Variants in C8orf34 observed in about 807,000 individuals in gnomAD.
The protein encoded by C8orf34 is chromosome 8 open reading frame 34, also known as uncharacterized protein C8orf34.
Under a neutral mutation model 68.3 loss-of-function variants are expected in C8orf34, and 65 were observed. The ratio of observed to expected loss-of-function variants is 0.95; its 90% CI spans 0.78 to 1.17. The LOEUF (loss-of-function observed/expected upper bound fraction) is 1.17. Ranked by LOEUF, C8orf34 falls within the 50% of genes most tolerant of loss-of-function variation. The pLI is 0.00. For synonymous variants in C8orf34, 244 were observed against 241.2 expected (o/e 1.01, Z -0.11); for missense variants, 664 against 655.4 (o/e 1.01, Z -0.14).
chr8:68,681,856 A>G (rs570657342), intron 8 of C8orf34, among the ~76,000 whole-genome samples: 3 of 152,326 alleles, frequency 2.0e-5, no homozygotes, highest in African/African-American at 7.2e-5. Context: ...AGAGCCAATC[A>G]TCTGCAACAA....
At chr8:68,589,615 GAGA>G (rs146066452) in intron 7 of C8orf34, among the ~76,000 whole-genome samples, 80,674 of 141,640 alleles carry the variant, frequency 0.57, 23,342 homozygotes, top group African/African-American at 0.63. Flanking sequence ...GAAAGAAGGA[GAGA>G]AGAAGAAAGA....
At chr8:68,442,413 G>A (rs1484579799) in intron 2 of C8orf34, among the ~76,000 whole-genome samples, 1 of 152,106 alleles carries the variant, frequency 6.6e-6, no homozygotes, top group African/African-American at 2.4e-5. Flanking sequence ...TGGGAAGGAA[G>A]AGAGAAAACA....
intron 4 of C8orf34, among the ~76,000 whole-genome samples, chr8:68,476,468 G>A (rs2129630525): frequency 6.6e-6 from 1 of 152,320 alleles, no homozygotes; most frequent in South Asian, 2.1e-4. Flanking sequence ...TTCAAAGAAA[G>A]AGGAAGTTTT....
chr8:68,501,469 G>A (rs1434274882), intron 5 of C8orf34, among the ~76,000 whole-genome samples: 1 of 152,140 alleles, frequency 6.6e-6, no homozygotes, highest in Non-Finnish European at 1.5e-5. Flanking sequence ...ATCAACAGGG[G>A]ACATTGTACT....
intron 12 of C8orf34, among the ~76,000 whole-genome samples, chr8:68,802,010 A>G (rs994399612): frequency 1.3e-5 from 2 of 152,192 alleles, no homozygotes; most frequent in Admixed American, 1.3e-4. Context: ...ATGATAATAT[A>G]CATTCTATAT....
rs139668085 is a variant in C8orf34 at position 68,716,003 on chromosome 8, A to G, written c.1328-5358A>G. Among the ~76,000 whole-genome samples, 59 of 152,302 alleles carry G rather than the reference A, an allele frequency of 3.9e-4. 2 individuals are homozygous for G. The East Asian group carries it at 0.011, about 29-fold the overall frequency. On this transcript the variant is annotated intron_variant, in intron 9 of 13. Coordinates refer to ENST00000518698, the MANE Select transcript of C8orf34 (RefSeq NM_052958.4). ...CTCAACTTTAAAAAGGAACAAAATA[A>G]TGACATTTACAGCAACCTGGACAGA...
At chr8:68,800,227 A>T (rs1212363023) in intron 12 of C8orf34, among the ~76,000 whole-genome samples, 1 of 152,218 alleles carries the variant, frequency 6.6e-6, no homozygotes, top group Non-Finnish European at 1.5e-5. Flanking sequence ...GAGGAGGCCC[A>T]GGTGTCTGGC....
intron 2 of C8orf34, among the ~76,000 whole-genome samples, chr8:68,442,167 G>A (rs1810936048): frequency 6.6e-6 from 1 of 152,172 alleles, no homozygotes; most frequent in East Asian, 1.9e-4. Flanking sequence ...ATGTGGTGAG[G>A]ATATTTGCCA....
intron 12 of C8orf34, among the ~76,000 whole-genome samples, chr8:68,793,781 C>T (rs1460968319): frequency 2.0e-5 from 3 of 152,036 alleles, no homozygotes; most frequent in African/African-American, 2.4e-5. Context: ...CAAACCTGCA[C>T]GTCCTGCCCA....
intron 8 of C8orf34, among the ~76,000 whole-genome samples, chr8:68,707,804 A>C (rs1043118631): frequency 1.3e-5 from 2 of 152,062 alleles, no homozygotes; most frequent in Non-Finnish European, 2.9e-5. Flanking sequence ...TTTCAATAAT[A>C]ATTTTTACTT....
chr8:68,677,541 T>G lies in C8orf34; in HGVS notation c.1242-31453T>G, dbSNP rs531517118. Among the ~76,000 whole-genome samples, 13 of 152,104 alleles carry G rather than the reference T, an allele frequency of 8.5e-5. No individual in the cohort carries two copies. In the South Asian group the frequency reaches 2.7e-3, roughly 32 times the overall value. ...ACACAGCTAAGTCTTATTTTTTTTG[T>G]AGACAAGTTTTCATCATTTTGCCTA... On this transcript the variant is annotated intron_variant, in intron 8 of 13. Transcript: ENST00000518698.
intron 7 of C8orf34, among the ~76,000 whole-genome samples, chr8:68,597,755 A>G (rs1817589280): frequency 6.6e-6 from 1 of 152,202 alleles, no homozygotes; most frequent in African/African-American, 2.4e-5. Flanking sequence ...GTTAAGCCTT[A>G]AAGTAATATA....
intron 5 of C8orf34, among the ~76,000 whole-genome samples, chr8:68,504,114 C>T (rs980584921): frequency 1.3e-5 from 2 of 152,136 alleles, no homozygotes; most frequent in Admixed American, 6.5e-5. Context: ...CAGCCCTAGA[C>T]GACCACTAAT....
At chr8:68,592,626 G>T (rs537710875) in intron 7 of C8orf34, among the ~76,000 whole-genome samples, 22 of 117,832 alleles carry the variant, frequency 1.9e-4, no homozygotes, top group Non-Finnish European at 3.4e-4. Flanking sequence ...TTTTGAGATG[G>T]AGTCTCGCTC....
chr8:68,387,104 T>C (rs149365448), intron 1 of C8orf34, among the ~76,000 whole-genome samples: 52 of 152,128 alleles, frequency 3.4e-4, no homozygotes, highest in African/African-American at 1.2e-3. Context: ...TAGTTTGGTG[T>C]ATCTGGCTCA....
chr8:68,731,221 T>C (rs937243463), intron 10 of C8orf34, among the ~76,000 whole-genome samples: 6 of 152,150 alleles, frequency 3.9e-5, no homozygotes, highest in Non-Finnish European at 8.8e-5. Context: ...ATGGTGGATT[T>C]TGAGTGCTTC....
chr8:68,731,235 A>G (rs1373367467), intron 10 of C8orf34, among the ~76,000 whole-genome samples: 1 of 152,182 alleles, frequency 6.6e-6, no homozygotes, highest in Non-Finnish European at 1.5e-5. Context: ...GTGCTTCCCT[A>G]CAGAAGCTTA....
intron 12 of C8orf34, among the ~76,000 whole-genome samples, chr8:68,805,817 G>A (rs1046151422): frequency 1.2e-4 from 19 of 152,070 alleles, no homozygotes; most frequent in African/African-American, 2.2e-4. Context: ...TTACTTGTGC[G>A]TAGTGTAATT....
intron 7 of C8orf34, among the ~76,000 whole-genome samples, chr8:68,587,661 A>G (rs546213388): frequency 1.2e-4 from 18 of 152,264 alleles, no homozygotes; most frequent in African/African-American, 4.3e-4. Context: ...TAATAACAAG[A>G]TTTATGTTGA....
Sources: gnomAD v4.1 joint callset for allele counts (sites outside exome capture counted in the v4.1 genomes callset) on GRCh38, gnomAD v4.1.1 for gene constraint, MANE v1.5 for transcripts, NCBI Gene and HGNC (gene_info 2026-07-23, HGNC 2026-07-21) for gene names.